The following IL2RB variants were observed in gnomAD, a reference collection of about 807,000 sequenced individuals.
IL2RB encodes the protein interleukin-2 receptor subunit beta.
Under a neutral mutation model 44.2 loss-of-function variants are expected in IL2RB, and 17 were observed. The ratio of observed to expected loss-of-function variants is 0.38; its 90% confidence interval spans 0.26 to 0.58. The LOEUF is 0.58. Ranked by LOEUF, IL2RB falls within the 20% of genes least tolerant of loss-of-function variation. IL2RB has a pLI of 0.63. For missense variants in IL2RB, 624 were observed against 685.5 expected (o/e 0.91, Z 1.00); for synonymous variants, 286 against 297.9 (o/e 0.96, Z 0.41).
chr22:37,173,515 A>C (rs1164503932), intron 1 of IL2RB, among the ~76,000 whole-genome samples: 1 of 152,342 alleles, frequency 6.6e-6, no homozygotes, highest in South Asian at 2.1e-4. Context: ...AATATAAGAA[A>C]GTGTCTACCT....
At chr22:37,135,030 C>T (rs1921612155) in intron 8 of IL2RB, among the ~76,000 whole-genome samples, 1 of 152,206 alleles carries the variant, frequency 6.6e-6, no homozygotes, top group South Asian at 2.1e-4. Flanking sequence ...GGGGCTCTCC[C>T]TGGAGGGCTG....
At chr22:37,163,926 G>T (rs1022151720) in intron 1 of IL2RB, among the ~76,000 whole-genome samples, 8 of 152,230 alleles carry the variant, frequency 5.3e-5, no homozygotes, top group African/African-American at 1.9e-4. Flanking sequence ...TGTGAGAAAC[G>T]GCCCCAAAGT....
chr22:37,142,361 C>T, intron 4 of IL2RB, 73 bp downstream of exon 4: 1 of 1,402,718 alleles, frequency 7.1e-7, no homozygotes. Flanking sequence ...GGCATCCGGC[C>T]CACCCTGAGA....
At chr22:37,170,662 C>T (rs1197840712) in intron 1 of IL2RB, among the ~76,000 whole-genome samples, 2 of 152,228 alleles carry the variant, frequency 1.3e-5, no homozygotes, top group Non-Finnish European at 2.9e-5. Context: ...CTCCACCACG[C>T]AGTCACTGCT....
intron 9 of IL2RB, 143 bp downstream of exon 9, chr22:37,132,241 G>A (rs1230176862): frequency 1.6e-6 from 1 of 609,852 alleles, no homozygotes; most frequent in South Asian, 1.9e-5. Context: ...CAGAGCTGGA[G>A]AAGAGACCCA....
At position 37,127,861 on chromosome 22, in the gene IL2RB, C is replaced by G. The variant is rs1465226005; in HGVS notation, c.*235G>C. 1 of 387,182 alleles carries G rather than the reference C, an allele frequency of 2.6e-6. No homozygotes were observed. The highest frequency in any genetic ancestry group is 4.6e-6 in the Non-Finnish European group (1 of 218,266). The allele number at this position is 387,182 out of a possible 1,614,324, so 24.0% of individuals were successfully genotyped here. On this transcript the variant is annotated 3_prime_UTR_variant, in exon 10 of 10. Transcript: ENST00000216223. The stretch of plus-strand genomic sequence containing the variant: ...TAACGAGGGAGTTGGGGAGTTACTG[C>G]CCCCCTGCAACACACACAGTTCCTG...
chr22:37,152,329 TATTCCA>T (rs1224621149), upstream of IL2RB, among the ~76,000 whole-genome samples: 1 of 152,238 alleles, frequency 6.6e-6, no homozygotes, highest in African/African-American at 2.4e-5. Flanking sequence ...TATTTGTAGC[TATTCCA>T]AATGGAGTTA....
Position 37,136,380 on chromosome 22 carries a change from A to T in IL2RB, c.551T>A (p.Leu184Gln), listed in dbSNP as rs754187933. The change falls in exon 7 of 10, where the codon CTG (leucine) becomes CAG (glutamine). Residue 184 changes from leucine to glutamine, a missense_variant. Physicochemically the swap from Leu to Gln is moderately radical, Grantham distance 113. Transcript: ENST00000216223. ...PGHTWEEAPLLTLKQKQEWIC... is the reference protein window; with the variant it reads ...PGHTWEEAPLQTLKQKQEWIC... ...CCATTCCTGCTTCTGCTTGAGAGTC[A>T]GCAGGGGGGCCTCCTGGGTCGGAGA... is the stretch of plus-strand genomic sequence containing the variant. 2 of 1,610,284 alleles carry T rather than the reference A, an allele frequency of 1.2e-6. No homozygotes were observed. Among genetic ancestry groups the T allele is most frequent in the Admixed American group, 3.3e-5 (2 of 59,702 alleles).
At chr22:37,172,814 A>C (rs928223502) in intron 1 of IL2RB, among the ~76,000 whole-genome samples, 8 of 152,122 alleles carry the variant, frequency 5.3e-5, no homozygotes, top group Non-Finnish European at 1.2e-4. Context: ...CTCTGGTGCA[A>C]GCTGGCTCCA....
intron 1 of IL2RB, among the ~76,000 whole-genome samples, chr22:37,158,165 C>T (rs145079867): frequency 3.1e-4 from 47 of 152,176 alleles, no homozygotes; most frequent in African/African-American, 1.1e-3. Flanking sequence ...TCACGGGACC[C>T]GAGGCCAACA....
At chr22:37,149,468 C>T (rs1465792895) in intron 1 of IL2RB, among the ~76,000 whole-genome samples, 2 of 152,174 alleles carry the variant, frequency 1.3e-5, no homozygotes, top group Non-Finnish European at 2.9e-5. Context: ...CCCCATATCC[C>T]GTACCCTCTC....
At chr22:37,150,758 C>T (rs1922456682), upstream of IL2RB, among the ~76,000 whole-genome samples, 1 of 152,034 alleles carries the variant, frequency 6.6e-6, no homozygotes, top group Admixed American at 6.6e-5. Flanking sequence ...TCCATCACTG[C>T]CCTTCCCATT....
chr22:37,170,076 AGAAGGAAGGAAGAATGGATGGATGGAT>A (rs1569056295), intron 1 of IL2RB, among the ~76,000 whole-genome samples: 11 of 15,888 alleles, frequency 6.9e-4, no homozygotes, highest in Admixed American at 1.2e-3. Flanking sequence ...AGGATGGGGG[AGAAGGAAGGAAGAATGGATGGATGGAT>A]GGATGGATGG....
intron 1 of IL2RB, among the ~76,000 whole-genome samples, chr22:37,148,476 T>G (rs1922336267): frequency 6.6e-6 from 1 of 152,050 alleles, no homozygotes; most frequent in Non-Finnish European, 1.5e-5. Context: ...CTGAAACTGG[T>G]CACACCCACG....
chr22:37,163,162 A>G (rs187816202), intron 1 of IL2RB, among the ~76,000 whole-genome samples: 6 of 152,262 alleles, frequency 3.9e-5, no homozygotes, highest in African/African-American at 1.4e-4. Context: ...GAGGATCTGG[A>G]GTGGTTCTCA....
upstream of IL2RB, among the ~76,000 whole-genome samples, chr22:37,150,541 G>A (rs1201724268): frequency 6.6e-6 from 1 of 152,008 alleles, no homozygotes; most frequent in Non-Finnish European, 1.5e-5. Flanking sequence ...AGGGTAAATG[G>A]GGTATCCATC....
chr22:37,142,657 C>T, intron 3 of IL2RB, 145 bp from the exon 4 acceptor site: 1 of 758,782 alleles, frequency 1.3e-6, no homozygotes, highest in Non-Finnish European at 2.4e-6. Context: ...CTGTGAGGGG[C>T]ACTGCCTCCC....
intron 9 of IL2RB, among the ~76,000 whole-genome samples, chr22:37,131,553 T>C (rs1222087651): frequency 5.3e-5 from 8 of 152,308 alleles, no homozygotes; most frequent in Middle Eastern, 3.4e-3. Flanking sequence ...TGAATCGGTG[T>C]TTTGTGACTC....
intron 1 of IL2RB, among the ~76,000 whole-genome samples, chr22:37,149,455 C>T (rs1401329429): frequency 6.6e-6 from 1 of 152,172 alleles, no homozygotes; most frequent in African/African-American, 2.4e-5. Flanking sequence ...CCCGCCTGTC[C>T]CACCCCATAT....
Sources: allele counts gnomAD v4.1 joint callset (sites outside exome capture counted in the v4.1 genomes callset), GRCh38; gene constraint gnomAD v4.1.1; transcripts MANE v1.5; gene names NCBI Gene and HGNC (gene_info 2026-07-23, HGNC 2026-07-21).